FHIT: variants seen among roughly 807,000 people sequenced by gnomAD.
The protein encoded by FHIT is fragile histidine triad diadenosine triphosphatase, also known as bis(5'-adenosyl)-triphosphatase.
In FHIT, 19 loss-of-function variants were observed where a neutral mutation model predicts 17.9. The observed-to-expected ratio is 1.06, with a 90% confidence interval of 0.74 to 1.56. The LOEUF (loss-of-function observed/expected upper bound fraction) is 1.56. Among genes scored for constraint, FHIT ranks in the 40% most tolerant of loss-of-function variants. FHIT has a pLI of 0.00. For missense variants in FHIT, 248 were observed against 189.2 expected (o/e 1.31, Z -1.82); for synonymous variants, 81 against 69.7 (o/e 1.16, Z -0.81).
intron 4 of FHIT, among the ~76,000 whole-genome samples, chr3:60,694,815 CA>C (rs1344586414): frequency 6.6e-6 from 1 of 151,540 alleles, no homozygotes; most frequent in Non-Finnish European, 1.5e-5. Flanking sequence ...ATGGCAAGGA[CA>C]AAAAACCAAA....
intron 4 of FHIT, among the ~76,000 whole-genome samples, chr3:60,679,970 G>A (rs534288588): frequency 5.3e-5 from 8 of 151,874 alleles, no homozygotes; most frequent in Admixed American, 1.3e-4. Flanking sequence ...TTCGAAAATC[G>A]TCTCTTAGTT....
intron 3 of FHIT, among the ~76,000 whole-genome samples, chr3:61,034,347 T>C (rs1194569289): frequency 6.6e-6 from 1 of 152,162 alleles, no homozygotes; most frequent in Non-Finnish European, 1.5e-5. Context: ...TGAGAGAACA[T>C]ATTTGTAAAT....
intron 3 of FHIT, among the ~76,000 whole-genome samples, chr3:60,846,224 G>T (rs1347631489): frequency 1.3e-5 from 2 of 152,080 alleles, no homozygotes; most frequent in Non-Finnish European, 2.9e-5. Context: ...AAATTAAAAG[G>T]TTATCACCCT....
At chr3:60,142,913 T>C (rs1700099577) in intron 5 of FHIT, among the ~76,000 whole-genome samples, 1 of 152,018 alleles carries the variant, frequency 6.6e-6, no homozygotes, top group African/African-American at 2.4e-5. Context: ...TATTTAAGAA[T>C]AGGTTAAGTA....
At chr3:59,978,355 G>A (rs1253357612) in intron 7 of FHIT, among the ~76,000 whole-genome samples, 2 of 151,928 alleles carry the variant, frequency 1.3e-5, no homozygotes, top group Non-Finnish European at 2.9e-5. Flanking sequence ...TTTAAAGTAC[G>A]TTATTTCTTC....
intron 4 of FHIT, among the ~76,000 whole-genome samples, chr3:60,590,752 T>C (rs2038058146): frequency 6.6e-6 from 1 of 152,020 alleles, no homozygotes; most frequent in Admixed American, 6.6e-5. Context: ...GCACCACAGC[T>C]CCAAGTGTGA....
intron 4 of FHIT, among the ~76,000 whole-genome samples, chr3:60,687,392 C>T (rs2040882950): frequency 6.6e-6 from 1 of 152,104 alleles, no homozygotes; most frequent in Non-Finnish European, 1.5e-5. Flanking sequence ...TATATAGTTT[C>T]CTTTCCTGTT....
chr3:60,229,155 G>A (rs761894103), intron 5 of FHIT, among the ~76,000 whole-genome samples: 1 of 152,168 alleles, frequency 6.6e-6, no homozygotes, highest in Non-Finnish European at 1.5e-5. Flanking sequence ...AGTGGCTCAT[G>A]CCTGTAATCG....
intron 5 of FHIT, among the ~76,000 whole-genome samples, chr3:60,255,971 T>A (rs959940157): frequency 1.3e-5 from 2 of 152,220 alleles, no homozygotes; most frequent in Non-Finnish European, 2.9e-5. Flanking sequence ...CACTTGAAAT[T>A]AGTAAACTGG....
chr3:60,953,958 T>C (rs533137732), intron 3 of FHIT, among the ~76,000 whole-genome samples: 2 of 152,310 alleles, frequency 1.3e-5, no homozygotes, highest in South Asian at 4.1e-4. Flanking sequence ...CCACGAAGGA[T>C]AAACAACTAG....
intron 3 of FHIT, among the ~76,000 whole-genome samples, chr3:60,921,590 C>A (rs1707284252): frequency 1.3e-5 from 2 of 152,162 alleles, no homozygotes; most frequent in Non-Finnish European, 2.9e-5. Flanking sequence ...TTTAAAATGT[C>A]AAATCCTTTG....
chr3:61,062,678 T>C (rs968072506), intron 2 of FHIT, among the ~76,000 whole-genome samples: 1 of 152,142 alleles, frequency 6.6e-6, no homozygotes, highest in African/African-American at 2.4e-5. Flanking sequence ...TGCCCCCAGA[T>C]GAATAGAAAT....
intron 7 of FHIT, among the ~76,000 whole-genome samples, chr3:59,978,804 T>A (rs1230102285): frequency 6.6e-6 from 1 of 151,560 alleles, no homozygotes; most frequent in Non-Finnish European, 1.5e-5. Context: ...AGAAATGGGA[T>A]CTGGGACCTT....
intron 5 of FHIT, among the ~76,000 whole-genome samples, chr3:60,481,469 T>C (rs371474556): frequency 6.6e-6 from 1 of 152,120 alleles, no homozygotes; most frequent in South Asian, 2.1e-4. Flanking sequence ...AGACTAACAG[T>C]GGACCTCTCA....
chr3:60,770,669 A>G (rs1700015197), intron 4 of FHIT, among the ~76,000 whole-genome samples: 1 of 152,226 alleles, frequency 6.6e-6, no homozygotes, highest in Admixed American at 6.5e-5. Context: ...GTATCCAGTA[A>G]GTAGATGGTG....
chr3:60,061,987 T>A (rs987042634), intron 5 of FHIT, among the ~76,000 whole-genome samples: 3 of 151,984 alleles, frequency 2.0e-5, no homozygotes, highest in Admixed American at 1.3e-4. Flanking sequence ...GGGGAAAAAA[T>A]GAAGATACGT....
chr3:60,046,219 C>T (rs539011998), intron 5 of FHIT, among the ~76,000 whole-genome samples: 43 of 152,288 alleles, frequency 2.8e-4, no homozygotes, highest in African/African-American at 9.6e-4. Context: ...TTGCCTTTTT[C>T]GCAAGCAATT....
chr3:59,812,275 T>G (rs567089675), intron 8 of FHIT, among the ~76,000 whole-genome samples: 160 of 152,268 alleles, frequency 1.1e-3, no homozygotes, highest in Middle Eastern at 0.01. Context: ...GAGGCCCTCC[T>G]TGTCTTTGAG....
intron 8 of FHIT, among the ~76,000 whole-genome samples, chr3:59,774,137 A>T (rs1383826550): frequency 2.6e-5 from 4 of 152,200 alleles, no homozygotes; most frequent in Admixed American, 1.3e-4. Context: ...GATAATGATC[A>T]AGAACAGGCA....
Sources: allele counts gnomAD v4.1 joint callset (sites outside exome capture counted in the v4.1 genomes callset), GRCh38; gene constraint gnomAD v4.1.1; transcripts MANE v1.5; gene names NCBI Gene and HGNC (gene_info 2026-07-23, HGNC 2026-07-21).